Variants in GREM2 observed in about 807,000 individuals in gnomAD.
GREM2 encodes gremlin 2, DAN family BMP antagonist.
In GREM2, 11 loss-of-function variants were observed where a neutral mutation model predicts 14.2. The observed-to-expected ratio is 0.78, with a 90% CI of 0.49 to 1.28. The LOEUF is 1.28. Ranked by LOEUF, GREM2 falls within the 50% of genes most tolerant of loss-of-function variation. GREM2 has a pLI of 0.00. For missense variants in GREM2, 210 were observed against 218.5 expected, an observed-to-expected ratio of 0.96 and a Z score of 0.24; for synonymous variants, 98 against 97.6, an observed-to-expected ratio of 1.00 and a Z score of -0.02.
chr1:240,548,092 T>C (rs1678775462), intron 1 of GREM2, among the ~76,000 whole-genome samples: 1 of 141,876 alleles, frequency 7.0e-6, no homozygotes, highest in East Asian at 2.1e-4. Flanking sequence ...TGAAACCCCA[T>C]CTCAACTAAA....
chr1:240,493,105 T>C lies in GREM2; in HGVS notation c.371A>G (p.Lys124Arg). The C allele has an allele frequency of 1.9e-6, 3 of 1,614,122 alleles. No individual in the cohort carries two copies. The highest frequency in any genetic ancestry group is 2.5e-6 in the Non-Finnish European group (3 of 1,179,992). Reference sequence around the variant, plus strand: ...GAGGACGGAGGTGACGCGCTGGGGCTTGCAGAAGGCGCAGGACTGGAAGGA... The same window carrying C: ...GAGGACGGAGGTGACGCGCTGGGGCCTGCAGAAGGCGCAGGACTGGAAGGA... ...EESFQSCAFC[K>R]PQRVTSVLVE... Residue 124 changes from lysine to arginine, a missense_variant, in exon 2 of 2, where the codon AAG becomes AGG. Coordinates refer to ENST00000318160, the MANE Select transcript of GREM2 (RefSeq NM_022469.4).
chr1:240,601,103 C>T (rs566657181), intron 1 of GREM2, among the ~76,000 whole-genome samples: 1 of 152,254 alleles, frequency 6.6e-6, no homozygotes, highest in South Asian at 2.1e-4. Context: ...ATTCTGAAGA[C>T]CTTTGCTTCT....
At chr1:240,520,586 A>G (rs56335890) in intron 1 of GREM2, among the ~76,000 whole-genome samples, 78,281 of 151,930 alleles carry the variant, frequency 0.52, 20,965 homozygotes, top group East Asian at 0.86. Context: ...CTCATTGCCC[A>G]GGCTGGAGTA....
intron 1 of GREM2, among the ~76,000 whole-genome samples, chr1:240,533,904 G>T (rs1193683090): frequency 2.0e-5 from 3 of 152,182 alleles, no homozygotes; most frequent in Non-Finnish European, 4.4e-5. Context: ...TTTTTGAGTT[G>T]CCTGTGACGT....
intron 1 of GREM2, among the ~76,000 whole-genome samples, chr1:240,597,759 A>G (rs1184127353): frequency 3.3e-5 from 5 of 152,142 alleles, no homozygotes; most frequent in Admixed American, 6.5e-5. Context: ...ATTTGTTAGC[A>G]TTATCTGTGT....
chr1:240,563,166 TGTGA>T (rs370813225), intron 1 of GREM2, among the ~76,000 whole-genome samples: 43 of 150,920 alleles, frequency 2.8e-4, no homozygotes, highest in South Asian at 2.5e-3. Flanking sequence ...TGTGTGTACG[TGTGA>T]GTGTGTGTAT....
intron 1 of GREM2, among the ~76,000 whole-genome samples, chr1:240,591,524 G>A (rs947778100): frequency 8.5e-5 from 13 of 152,110 alleles, no homozygotes; most frequent in South Asian, 2.1e-4. Flanking sequence ...CATGTTAGTC[G>A]ACGCTCACGT....
intron 1 of GREM2, among the ~76,000 whole-genome samples, chr1:240,504,178 T>C (rs545702164): frequency 1.3e-5 from 2 of 152,184 alleles, no homozygotes; most frequent in Non-Finnish European, 2.9e-5. Context: ...AAAAATGGAA[T>C]ATTTGAAAAA....
intron 1 of GREM2, among the ~76,000 whole-genome samples, chr1:240,609,827 A>C (rs959040036): frequency 4.6e-5 from 7 of 152,198 alleles, no homozygotes; most frequent in African/African-American, 1.7e-4. Context: ...TTTGCATTAG[A>C]AAAAGAGATG....
At chr1:240,608,633 T>C (rs1191637786) in intron 1 of GREM2, among the ~76,000 whole-genome samples, 1 of 152,210 alleles carries the variant, frequency 6.6e-6, no homozygotes, top group Non-Finnish European at 1.5e-5. Flanking sequence ...GGTCAAGTGT[T>C]CCCCTGCTTG....
intron 1 of GREM2, among the ~76,000 whole-genome samples, chr1:240,594,648 G>A (rs141097241): frequency 2.0e-5 from 3 of 151,824 alleles, no homozygotes; most frequent in Non-Finnish European, 4.4e-5. Flanking sequence ...GTATCTTCAG[G>A]GGATACTACA....
intron 1 of GREM2, among the ~76,000 whole-genome samples, chr1:240,527,088 T>C (rs1678241602): frequency 6.6e-6 from 1 of 152,228 alleles, no homozygotes; most frequent in Admixed American, 6.5e-5. Context: ...ATTAAGTCCA[T>C]TTCCAGCACA....
intron 1 of GREM2, among the ~76,000 whole-genome samples, chr1:240,601,425 G>A (rs1017663139): frequency 1.7e-4 from 26 of 152,238 alleles, no homozygotes; most frequent in African/African-American, 5.8e-4. Context: ...GATAATGTGA[G>A]GACATAGAGC....
chr1:240,504,059 T>C (rs1677628718), intron 1 of GREM2, among the ~76,000 whole-genome samples: 1 of 152,240 alleles, frequency 6.6e-6, no homozygotes, highest in Non-Finnish European at 1.5e-5. Context: ...AAAGAAGAAC[T>C]TGAAACTGGC....
chr1:240,545,141 A>G (rs895343451), intron 1 of GREM2, among the ~76,000 whole-genome samples: 7 of 152,194 alleles, frequency 4.6e-5, no homozygotes, highest in African/African-American at 1.7e-4. Context: ...GCAGGATTAG[A>G]GGGTTGGGAC....
At chr1:240,498,039 C>A (rs1402609585) in intron 1 of GREM2, among the ~76,000 whole-genome samples, 1 of 152,080 alleles carries the variant, frequency 6.6e-6, no homozygotes, top group East Asian at 1.9e-4. Flanking sequence ...CTGATAGACT[C>A]AAAAATGCAC....
rs1168642302 is a variant in GREM2, at chr1:240,541,474, T to TAGA, written c.-1-47999_-1-47998insTCT. On this transcript the variant is annotated intron_variant, in intron 1 of 1. Coordinates refer to ENST00000318160, the MANE Select transcript of GREM2 (RefSeq NM_022469.4). ...CCCACTTCTCTTCTGTTAACTACGT[T>TAGA]ACATTTTCTCCTGTACTTGCCATGT... Among the ~76,000 whole-genome samples the TAGA allele has an allele frequency of 3.3e-5, 5 of 152,230 alleles. No homozygotes were observed. The South Asian group carries it at 6.2e-4, about 19-fold the overall frequency.
chr1:240,515,745 G>C (rs1677939971), intron 1 of GREM2, among the ~76,000 whole-genome samples: 1 of 152,158 alleles, frequency 6.6e-6, no homozygotes, highest in Admixed American at 6.6e-5. Context: ...GGGCAATAAA[G>C]GGTAAAACTC....
In GREM2 at chr1:240,500,360, G is replaced by A. The variant is rs1019164928; in HGVS notation, c.-1-6884C>T. The stretch of plus-strand genomic sequence containing the variant: ...GTTGCCCAGGCTGGAGTGCAGTGGC[G>A]CGATCTTGGCTCACTGCAAGCTCCG... On this transcript the variant is annotated intron_variant, in intron 1 of 1. Transcript: ENST00000318160. 8.6e-5 allele frequency among the ~76,000 whole-genome samples: 13 copies of A among 151,426 alleles called. No individual in the cohort carries two copies. The East Asian group carries it at 1.2e-3, about 14-fold the overall frequency.
Sources: gnomAD v4.1 joint callset for allele counts (sites outside exome capture counted in the v4.1 genomes callset) on GRCh38, gnomAD v4.1.1 for gene constraint, MANE v1.5 for transcripts, NCBI Gene and HGNC (gene_info 2026-07-23, HGNC 2026-07-21) for gene names.